GNA13: variants seen among roughly 807,000 people sequenced by gnomAD.
GNA13 encodes guanine nucleotide-binding protein subunit alpha-13.
GNA13 carries 4 observed loss-of-function variants against 33.5 expected under a neutral mutation model. That is an observed-to-expected ratio of 0.12 (90% CI 0.06 to 0.27). The LOEUF is 0.27. Among genes scored for constraint, GNA13 ranks in the 10% least tolerant of loss-of-function variants. The pLI, the probability that GNA13 is intolerant of heterozygous loss-of-function variation, is 1.00. For synonymous variants in GNA13, 176 were observed against 183.8 expected (o/e 0.96, Z 0.34); for missense variants, 319 against 487.2 (o/e 0.65, Z 3.25).
At chr17:65,047,661 C>A (rs201788547) in intron 2 of GNA13, among the ~76,000 whole-genome samples, 1 of 147,298 alleles carries the variant, frequency 6.8e-6, no homozygotes, top group African/African-American at 2.5e-5. Context: ...GACTCTGATT[C>A]TTTTTTTTTT....
rs1249411232 is a variant in GNA13 at position 65,053,742 on chromosome 17, G to T, written c.284-14C>A. ...GCACCCTCATACCTTTGTTTAAAAA[G>T]AAGAAAAAAAATGTATGGAGAGGAG... On this transcript the variant is annotated splice_polypyrimidine_tract_variant and intron_variant, in intron 1 of 3. Transcript: ENST00000439174. 15 of 1,525,756 alleles carry T rather than the reference G, an allele frequency of 9.8e-6. No homozygotes were observed. The East Asian group carries it at 3.2e-4, about 32-fold the overall frequency. 94.5% of individuals were successfully genotyped at this position (1,525,756 alleles called of 1,614,324 possible).
chr17:65,048,828 G>T (rs1258549610), intron 2 of GNA13, among the ~76,000 whole-genome samples: 1 of 152,162 alleles, frequency 6.6e-6, no homozygotes, highest in Admixed American at 6.5e-5. Flanking sequence ...TTTTTAATGT[G>T]CATTAATAAG....
intron 3 of GNA13, among the ~76,000 whole-genome samples, chr17:65,016,465 G>A (rs575171927): frequency 6.6e-6 from 1 of 152,256 alleles, no homozygotes; most frequent in African/African-American, 2.4e-5. Flanking sequence ...AGGTTCAAGC[G>A]ATTCTGCTCC....
rs1021115412 is a variant in GNA13, at chr17:65,032,807, C to G, written c.511-14504G>C. Among the ~76,000 whole-genome samples the G allele has an allele frequency of 1.0e-3, 11 of 10,910 alleles. No individual in the cohort carries two copies. In the Admixed American group the frequency reaches 0.026, roughly 26 times the overall value. The allele number at this position is 10,910 out of a possible 152,430, so 7.2% of individuals were successfully genotyped here. A position where few individuals can be genotyped will look rare whatever the true frequency, so the allele number is the denominator to read the frequency against. On this transcript the variant is annotated intron_variant, in intron 2 of 3. Coordinates refer to ENST00000439174, the MANE Select transcript of GNA13 (RefSeq NM_006572.6). ...GCTTTCTCTATGACTTCATTTTTCT[C>G]TGGAAAAAAAACACAGTATTAGGCT...
At chr17:65,043,241 T>TA (rs1330438795) in intron 2 of GNA13, among the ~76,000 whole-genome samples, 1 of 152,102 alleles carries the variant, frequency 6.6e-6, no homozygotes, top group Non-Finnish European at 1.5e-5. Flanking sequence ...AAACCAAATG[T>TA]AAAAATGTTT....
At chr17:65,040,093 CA>C (rs1042821985) in intron 2 of GNA13, among the ~76,000 whole-genome samples, 9 of 145,730 alleles carry the variant, frequency 6.2e-5, no homozygotes, top group South Asian at 2.2e-4. Context: ...AATACTTTTT[CA>C]AAAAAAAAAG....
chr17:65,014,004 T>A lies in GNA13; in HGVS notation c.*253A>T. On this transcript the variant is annotated 3_prime_UTR_variant, in exon 4 of 4. Transcript: ENST00000439174. This position sits in a 1 kb window ranked among gnomAD's most constrained non-coding sequence, Gnocchi z 5.3. ...GCCTAGTCTGAGGTCAGCTGGGAGG[T>A]TTTAACTGGACTTGAATAGAAGCCA... 1 of 431,540 alleles carries A rather than the reference T, an allele frequency of 2.3e-6. No homozygotes were observed. Among genetic ancestry groups the A allele is most frequent in the Non-Finnish European group, 4.1e-6 (1 of 241,228 alleles). The allele number at this position is 431,540 out of a possible 1,614,324, so 26.7% of individuals were successfully genotyped here.
chr17:65,050,000 G>C (rs1907804740), intron 2 of GNA13, among the ~76,000 whole-genome samples: 1 of 152,190 alleles, frequency 6.6e-6, no homozygotes. Flanking sequence ...TGGGAATCAA[G>C]AGATTACAGA....
intron 3 of GNA13, among the ~76,000 whole-genome samples, chr17:65,017,643 A>G (rs1476630484): frequency 1.3e-5 from 2 of 152,218 alleles, no homozygotes; most frequent in African/African-American, 4.8e-5. Flanking sequence ...TACCTACAGG[A>G]AAATGATAGA....
intron 2 of GNA13, among the ~76,000 whole-genome samples, chr17:65,031,597 T>C (rs1446460119): frequency 6.6e-6 from 1 of 152,228 alleles, no homozygotes; most frequent in African/African-American, 2.4e-5. Context: ...GTAAGGTTTT[T>C]ATATACCTAT....
At chr17:65,044,730 G>A (rs1198216405) in intron 2 of GNA13, among the ~76,000 whole-genome samples, 1 of 151,702 alleles carries the variant, frequency 6.6e-6, no homozygotes, top group Non-Finnish European at 1.5e-5. Context: ...ATGATTACAT[G>A]AGAAGCATTT....
intron 3 of GNA13, 125 bp downstream of exon 3, chr17:65,018,128 A>AGAGAG: frequency 8.9e-6 from 2 of 223,826 alleles, no homozygotes; most frequent in South Asian, 5.3e-5. Context: ...AAAAAAAAAA[A>AGAGAG]AAAAAAAAAA....
At chr17:65,025,532 T>C (rs1241057852) in intron 2 of GNA13, among the ~76,000 whole-genome samples, 2 of 152,144 alleles carry the variant, frequency 1.3e-5, no homozygotes, top group African/African-American at 4.8e-5. Context: ...GAAGCGCGGA[T>C]GGGAAAAGTT....
At chr17:65,043,051 G>C (rs1030324223) in intron 2 of GNA13, among the ~76,000 whole-genome samples, 3 of 152,096 alleles carry the variant, frequency 2.0e-5, no homozygotes, top group African/African-American at 7.2e-5. Flanking sequence ...AGTAACAGTA[G>C]GTCCCTAATA....
At chr17:65,056,262 CCCCAGCCCCCCTGCCCTTAACCCCCGG>C in intron 1 of GNA13, 22 bp downstream of exon 1, 1 of 1,237,852 alleles carries the variant, frequency 8.1e-7, no homozygotes, top group Non-Finnish European at 1.1e-6. Context: ...CCCGCCGCCG[CCCCAGCCCCCCTGCCCTTAACCCCCGG>C]CCCCCATTCC....
At chr17:65,048,716 C>A (rs575350253) in intron 2 of GNA13, among the ~76,000 whole-genome samples, 3 of 152,176 alleles carry the variant, frequency 2.0e-5, no homozygotes, top group Non-Finnish European at 2.9e-5. Context: ...AAAACCTAAG[C>A]TGTGTTATCA....
chr17:65,050,856 T>C (rs942003735), intron 2 of GNA13, among the ~76,000 whole-genome samples: 3 of 152,230 alleles, frequency 2.0e-5, no homozygotes, highest in Non-Finnish European at 2.9e-5. Flanking sequence ...CTTTTCATCA[T>C]GGAAAAAAGT....
chr17:65,055,069 G>C (rs1275864344), intron 1 of GNA13, among the ~76,000 whole-genome samples: 1 of 151,602 alleles, frequency 6.6e-6, no homozygotes, highest in African/African-American at 2.4e-5. Flanking sequence ...GGCGGGGAGG[G>C]GGCGGGGGGG....
chr17:65,018,890 A>G (rs1906479150), intron 2 of GNA13, among the ~76,000 whole-genome samples: 1 of 152,186 alleles, frequency 6.6e-6, no homozygotes, highest in South Asian at 2.1e-4. Flanking sequence ...TTTCTCGACG[A>G]AACTTCCAAG....
Sources: allele counts gnomAD v4.1 joint callset (sites outside exome capture counted in the v4.1 genomes callset), GRCh38; gene constraint gnomAD v4.1.1; non-coding constraint Gnocchi (gnomAD v3.1); transcripts MANE v1.5; gene names NCBI Gene and HGNC (gene_info 2026-07-23, HGNC 2026-07-21).